The following RARB variants were observed in gnomAD, a reference collection of about 807,000 sequenced individuals.
RARB encodes HBV-activated protein.
RARB carries 17 observed loss-of-function variants against 51.9 expected under a neutral mutation model. That is an observed-to-expected ratio of 0.33 (90% CI 0.22 to 0.49). The LOEUF is 0.49. Ranked by LOEUF, RARB falls within the 20% of genes least tolerant of loss-of-function variation. The pLI is 0.99. For synonymous variants in RARB, 215 were observed against 195.4 expected (o/e 1.10, Z -0.84); for missense variants, 369 against 550.8 (o/e 0.67, Z 3.30).
intron 5 of RARB, among the ~76,000 whole-genome samples, chr3:25,279,701 A>T (rs1396690154): frequency 6.6e-6 from 1 of 152,196 alleles, no homozygotes; most frequent in African/African-American, 2.4e-5. Flanking sequence ...GCCAGAGCCA[A>T]TGAAGAATGA....
At chr3:25,378,552 T>C (rs1706534373) in intron 5 of RARB, among the ~76,000 whole-genome samples, 1 of 152,194 alleles carries the variant, frequency 6.6e-6, no homozygotes, top group South Asian at 2.1e-4. Context: ...GGCTAGAAGA[T>C]TGAGAGAGAA....
intron 5 of RARB, among the ~76,000 whole-genome samples, chr3:25,411,802 G>A (rs1402732874): frequency 4.6e-5 from 7 of 152,228 alleles, no homozygotes; most frequent in East Asian, 1.9e-4. Context: ...ACCCTTGGAC[G>A]TCCAGAGAGA....
At chr3:25,530,439 T>C (rs188186183) in intron 3 of RARB, among the ~76,000 whole-genome samples, 7 of 152,340 alleles carry the variant, frequency 4.6e-5, no homozygotes, top group Admixed American at 3.9e-4. Flanking sequence ...TGGGTCTCAC[T>C]GAACTAAGAT....
intron 1 of RARB, among the ~76,000 whole-genome samples, chr3:25,445,427 G>A (rs1355465197): frequency 6.6e-6 from 1 of 152,164 alleles, no homozygotes; most frequent in Non-Finnish European, 1.5e-5. Flanking sequence ...CACTTAGGAA[G>A]GCCGAGACAG....
At chr3:24,958,272 T>C (rs989017422) in intron 2 of RARB, among the ~76,000 whole-genome samples, 1 of 140,316 alleles carries the variant, frequency 7.1e-6, no homozygotes, top group African/African-American at 2.6e-5. Flanking sequence ...TTTTTTTTTT[T>C]TTTTTTTTTT....
At chr3:25,259,068 T>A in intron 5 of RARB, 1 of 985,236 alleles carries the variant, frequency 1.0e-6, no homozygotes, top group East Asian at 1.1e-4. Context: ...CATACTTCAG[T>A]ATGAGAAACA....
At chr3:25,081,991 C>G (rs895302138) in intron 3 of RARB, among the ~76,000 whole-genome samples, 10 of 151,978 alleles carry the variant, frequency 6.6e-5, no homozygotes, top group Non-Finnish European at 1.5e-5. Flanking sequence ...ATTTTTATAT[C>G]TTCCTGATGA....
chr3:25,210,788 G>A (rs568563485), intron 5 of RARB, among the ~76,000 whole-genome samples: 4 of 151,912 alleles, frequency 2.6e-5, no homozygotes, highest in Non-Finnish European at 4.4e-5. Context: ...GCCCACCTCA[G>A]CTTCCCAAAG....
intron 4 of RARB, among the ~76,000 whole-genome samples, chr3:25,148,446 A>T (rs923183104): frequency 6.6e-6 from 1 of 152,248 alleles, no homozygotes; most frequent in Non-Finnish European, 1.5e-5. Flanking sequence ...CAGTGAATGT[A>T]TATCAGTAAG....
intron 3 of RARB, among the ~76,000 whole-genome samples, chr3:25,114,234 CAGG>C (rs767320982): frequency 8.4e-4 from 128 of 152,286 alleles, no homozygotes; most frequent in Non-Finnish European, 1.5e-3. Context: ...TATTACCATT[CAGG>C]AAACTCTTGC....
chr3:25,365,735 C>T (rs1017498892), intron 5 of RARB, among the ~76,000 whole-genome samples: 5 of 152,202 alleles, frequency 3.3e-5, no homozygotes, highest in African/African-American at 1.2e-4. Context: ...GGACTAAAAG[C>T]CTTACTCTCA....
At chr3:24,977,574 G>A (rs1002556504) in intron 2 of RARB, among the ~76,000 whole-genome samples, 4 of 152,128 alleles carry the variant, frequency 2.6e-5, no homozygotes, top group Non-Finnish European at 4.4e-5. Context: ...TCTGTTATTG[G>A]TGTATAGGAA....
At chr3:25,593,469 C>T in intron 5 of RARB, 34 bp from the exon 6 acceptor site, 3 of 1,565,236 alleles carry the variant, frequency 1.9e-6, no homozygotes, top group Non-Finnish European at 2.6e-6. Context: ...GACAGGATGG[C>T]TTAGAACATC....
intron 5 of RARB, among the ~76,000 whole-genome samples, chr3:25,239,969 C>T (rs1452741537): frequency 6.6e-6 from 1 of 151,754 alleles, no homozygotes; most frequent in African/African-American, 2.4e-5. Context: ...TTTCTTTCAT[C>T]AGTGTTTGGT....
chr3:25,163,465 A>AC (rs1700506061), intron 4 of RARB, among the ~76,000 whole-genome samples: 1 of 149,288 alleles, frequency 6.7e-6, no homozygotes, highest in African/African-American at 2.5e-5. Context: ...AGATCATGCC[A>AC]CTGCACACCA....
intron 5 of RARB, among the ~76,000 whole-genome samples, chr3:25,267,995 G>C (rs999513808): frequency 2.0e-5 from 3 of 152,180 alleles, no homozygotes; most frequent in Non-Finnish European, 4.4e-5. Flanking sequence ...GCTAGGAGGA[G>C]AGTTATATAT....
chr3:25,500,454 G>GTTTTTTTTTTTTTTTTTTTTTTTTT lies in RARB; in HGVS notation c.307-725_307-701dup, dbSNP rs753321842. Among the ~76,000 whole-genome samples, 40 of 66,138 alleles carry GTTTTTTTTTTTTTTTTTTTTTTTTT rather than the reference G, an allele frequency of 6.0e-4. 7 individuals carry two copies. Among genetic ancestry groups the GTTTTTTTTTTTTTTTTTTTTTTTTT allele is most frequent in the Middle Eastern group, 0.01 (1 of 100 alleles). The allele number at this position is 66,138 out of a possible 152,430, so 43.4% of individuals were successfully genotyped here. Reference sequence around the variant, plus strand: ...ATAATTTCTTTTTCTTTCTTTTCTTGTTTTTTTTTTTTTTTTTTTTTTTTT... The same window carrying GTTTTTTTTTTTTTTTTTTTTTTTTT: ...ATAATTTCTTTTTCTTTCTTTTCTTGTTTTTTTTTTTTTTTTTTTTTTTTTTTTTTTTTTTTTTTTTTTTTTTTTT... On this transcript the variant is annotated intron_variant, in intron 2 of 7. Coordinates refer to ENST00000330688, the MANE Select transcript of RARB (RefSeq NM_000965.5).
chr3:25,097,114 A>G (rs1049863164), intron 3 of RARB, among the ~76,000 whole-genome samples: 1 of 152,182 alleles, frequency 6.6e-6, no homozygotes, highest in African/African-American at 2.4e-5. Flanking sequence ...AAGACTAGCA[A>G]ACAATCAGAG....
At chr3:25,414,029 G>C (rs778600433) in intron 5 of RARB, among the ~76,000 whole-genome samples, 6 of 151,528 alleles carry the variant, frequency 4.0e-5, no homozygotes, top group Admixed American at 6.6e-5. Flanking sequence ...CCACCCAGAA[G>C]TTTTTCCATG....
Sources: gnomAD v4.1 joint callset for allele counts (sites outside exome capture counted in the v4.1 genomes callset) on GRCh38, gnomAD v4.1.1 for gene constraint, MANE v1.5 for transcripts, NCBI Gene and HGNC (gene_info 2026-07-23, HGNC 2026-07-21) for gene names.